Variants in HACE1 observed in about 807,000 individuals in gnomAD.
HACE1 encodes HECT domain and ankyrin repeat containing E3 ubiquitin protein ligase 1.
HACE1 carries 73 observed loss-of-function variants against 118.4 expected under a neutral mutation model. The observed-to-expected ratio is 0.62, with a 90% CI of 0.51 to 0.75. The LOEUF (loss-of-function observed/expected upper bound fraction) is 0.75. Ranked by LOEUF, HACE1 falls within the 30% of genes least tolerant of loss-of-function variation. The pLI is 0.00. For missense variants in HACE1, 749 were observed against 1,102.2 expected (o/e 0.68, Z 4.54); for synonymous variants, 368 against 374.8 (o/e 0.98, Z 0.21).
At position 104,757,329 on chromosome 6, in the gene HACE1, G is replaced by A. The variant is rs573573026; in HGVS notation, c.2212-6857C>T. On this transcript the variant is annotated intron_variant, in intron 19 of 23. Coordinates refer to ENST00000262903, the MANE Select transcript of HACE1 (RefSeq NM_020771.4). Reference sequence around the variant, plus strand: ...ATACAGGCGGGTGCCCCTCTGGGACGAAGCTTCCAGAAGAAGGTACAGGCA... The same window carrying A: ...ATACAGGCGGGTGCCCCTCTGGGACAAAGCTTCCAGAAGAAGGTACAGGCA... Among the ~76,000 whole-genome samples, 11 of 152,260 alleles carry A rather than the reference G, an allele frequency of 7.2e-5. No individual in the cohort carries two copies. In the South Asian group the frequency reaches 1.2e-3, roughly 17 times the overall value.
chr6:104,847,425 A>T (rs1011422334), intron 4 of HACE1, among the ~76,000 whole-genome samples: 3 of 152,228 alleles, frequency 2.0e-5, no homozygotes, highest in African/African-American at 7.2e-5. Flanking sequence ...GTGACACATT[A>T]CAAGATATCT....
At position 104,799,432 on chromosome 6, in the gene HACE1, T is replaced by C. The variant is rs138217957; in HGVS notation, c.618-2407A>G. Among the ~76,000 whole-genome samples, 631 of 152,336 alleles carry C rather than the reference T, an allele frequency of 4.1e-3. 5 individuals are homozygous for C. Among genetic ancestry groups the C allele is most frequent in the African/African-American group, 0.014 (596 of 41,580 alleles). ...CCTACAAAAGCTCATTACTTACAAATTGCTGGGAAGAGCTCTCTCACCCGC... is the reference window on the plus strand; with the variant it reads ...CCTACAAAAGCTCATTACTTACAAACTGCTGGGAAGAGCTCTCTCACCCGC... On this transcript the variant is annotated intron_variant, in intron 7 of 23. Coordinates refer to ENST00000262903, the MANE Select transcript of HACE1 (RefSeq NM_020771.4).
intron 14 of HACE1, among the ~76,000 whole-genome samples, chr6:104,777,891 CT>C (rs1343386898): frequency 4.6e-5 from 7 of 152,260 alleles, no homozygotes; most frequent in Admixed American, 1.3e-4. Context: ...TCTCAAGTAG[CT>C]GGGATTGCAG....
chr6:104,811,303 TATC>T lies in HACE1; in HGVS notation c.617+5_617+7del. 9.6e-7 allele frequency: 1 copy of T among 1,038,566 alleles called. No homozygotes were observed. Among genetic ancestry groups the T allele is most frequent in the Non-Finnish European group, 1.5e-6 (1 of 670,650 alleles). 64.3% of individuals were successfully genotyped at this position (1,038,566 alleles called of 1,614,324 possible). On this transcript the variant is annotated splice_donor_5th_base_variant and intron_variant, in intron 7 of 23. Transcript: ENST00000262903. ...ATATATAGCATCTGGAAATATAAAA[TATC>T]ATACCTGCAAGCAAAGTACAATGGA...
intron 19 of HACE1, among the ~76,000 whole-genome samples, chr6:104,768,762 G>A (rs1388688638): frequency 1.3e-5 from 2 of 151,976 alleles, no homozygotes; most frequent in African/African-American, 4.8e-5. Flanking sequence ...AATATATATA[G>A]TATTAAACTG....
intron 22 of HACE1, among the ~76,000 whole-genome samples, chr6:104,743,052 T>C (rs2114500082): frequency 6.6e-6 from 1 of 151,740 alleles, no homozygotes; most frequent in East Asian, 1.9e-4. Context: ...CTCAGTAAAC[T>C]ATCGCAAGAA....
Position 104,736,296 on chromosome 6 carries a change from A to T in HACE1, c.2514-5880T>A, listed in dbSNP as rs1028019784. ...TTTATTATTTTTTATTATTATTATTATTTTTTGAGACAGGGTCTCACACTG... is the reference window on the plus strand; with the variant it reads ...TTTATTATTTTTTATTATTATTATTTTTTTTTGAGACAGGGTCTCACACTG... On this transcript the variant is annotated intron_variant, in intron 22 of 23. Transcript: ENST00000262903. Among the ~76,000 whole-genome samples the T allele has an allele frequency of 2.6e-5, 4 of 151,410 alleles. No homozygotes were observed. In the East Asian group the frequency reaches 7.7e-4, roughly 29 times the overall value.
chr6:104,770,145 A>G (rs1016154328), intron 19 of HACE1, among the ~76,000 whole-genome samples: 8 of 152,146 alleles, frequency 5.3e-5, no homozygotes, highest in African/African-American at 1.9e-4. Flanking sequence ...CTCAGTGAAC[A>G]TTGTTTCTTA....
At chr6:104,852,248 G>A (rs1776310324) in intron 2 of HACE1, 69 bp downstream of exon 2, 2 of 818,648 alleles carry the variant, frequency 2.4e-6, no homozygotes, top group Admixed American at 1.8e-5. Context: ...CGCGTGCACG[G>A]GCATGCAGTA....
rs1777019974 is a variant in HACE1 at position 104,743,282 on chromosome 6, T to C, written c.2513+878A>G. Reference sequence around the variant, plus strand: ...ACATATGTAACTAACCTGCACAATGTGCACATGTACCCTAAAACTTAAAGT... The same window carrying C: ...ACATATGTAACTAACCTGCACAATGCGCACATGTACCCTAAAACTTAAAGT... On this transcript the variant is annotated intron_variant, in intron 22 of 23. Coordinates refer to ENST00000262903, the MANE Select transcript of HACE1 (RefSeq NM_020771.4). 2.0e-5 allele frequency among the ~76,000 whole-genome samples: 3 copies of C among 151,466 alleles called. No individual in the cohort carries two copies. The South Asian group carries it at 6.3e-4, about 32-fold the overall frequency.
Position 104,834,140 on chromosome 6 carries a change from C to G in HACE1, c.403-967G>C, listed in dbSNP as rs907931149. Among the ~76,000 whole-genome samples the G allele has an allele frequency of 4.0e-5, 6 of 151,334 alleles. No homozygotes were observed. The South Asian group carries it at 1.0e-3, about 26-fold the overall frequency. On this transcript the variant is annotated intron_variant, in intron 5 of 23. Transcript: ENST00000262903. ...CCTACCTGTGTGACAGAATGACAAC[C>G]TATTTCCAAAAAAAAAAAAATCGTT... is the stretch of plus-strand genomic sequence containing the variant.
At chr6:104,771,467 T>C (rs1780592211) in intron 18 of HACE1, 78 bp from the exon 19 acceptor site, 2 of 858,906 alleles carry the variant, frequency 2.3e-6, no homozygotes, top group Admixed American at 2.0e-5. Flanking sequence ...TACTGCCCTC[T>C]ACAGATATTC....
At chr6:104,740,108 T>C (rs1196046663) in intron 22 of HACE1, among the ~76,000 whole-genome samples, 1 of 150,646 alleles carries the variant, frequency 6.6e-6, no homozygotes, top group East Asian at 1.9e-4. Flanking sequence ...AAAGATGTTC[T>C]TTGAAACCAA....
chr6:104,835,445 A>G (rs1774431411), intron 5 of HACE1, among the ~76,000 whole-genome samples: 1 of 151,982 alleles, frequency 6.6e-6, no homozygotes. Context: ...AGAGACAAGG[A>G]AAAAAAACTC....
chr6:104,841,371 A>C (rs1328191297), intron 5 of HACE1, among the ~76,000 whole-genome samples: 2 of 152,202 alleles, frequency 1.3e-5, no homozygotes, highest in African/African-American at 4.8e-5. Flanking sequence ...TTATATTAAC[A>C]TTCAACCATC....
intron 17 of HACE1, among the ~76,000 whole-genome samples, chr6:104,772,418 C>T (rs1422602433): frequency 6.6e-6 from 1 of 152,144 alleles, no homozygotes; most frequent in Non-Finnish European, 1.5e-5. Context: ...CACACACACG[C>T]ACATATACAC....
chr6:104,819,733 G>T (rs922561322), intron 6 of HACE1, among the ~76,000 whole-genome samples: 3 of 152,048 alleles, frequency 2.0e-5, no homozygotes, highest in East Asian at 3.9e-4. Context: ...AAATAAGACC[G>T]CACTCTGACA....
intron 22 of HACE1, among the ~76,000 whole-genome samples, chr6:104,739,470 T>A (rs1469932959): frequency 1.4e-4 from 22 of 151,824 alleles, no homozygotes; most frequent in East Asian, 7.7e-4. Flanking sequence ...GGATGGAGGA[T>A]GATCTACCAA....
At chr6:104,804,400 T>C (rs563035354) in intron 7 of HACE1, among the ~76,000 whole-genome samples, 1 of 152,290 alleles carries the variant, frequency 6.6e-6, no homozygotes, top group South Asian at 2.1e-4. Flanking sequence ...AGTGCCCTCA[T>C]TGCCAAGACA....
Sources: allele counts gnomAD v4.1 joint callset (sites outside exome capture counted in the v4.1 genomes callset), GRCh38; gene constraint gnomAD v4.1.1; transcripts MANE v1.5; gene names NCBI Gene and HGNC (gene_info 2026-07-23, HGNC 2026-07-21).